The following DIPK1A variants were observed in gnomAD, a reference collection of about 807,000 sequenced individuals.
DIPK1A encodes the protein divergent protein kinase domain 1A.
In DIPK1A, 27 loss-of-function variants were observed where a neutral mutation model predicts 40.8. The ratio of observed to expected loss-of-function variants is 0.66; its 90% confidence interval spans 0.49 to 0.91. The LOEUF (loss-of-function observed/expected upper bound fraction) is 0.91, where lower values mean the gene tolerates loss of function less well. DIPK1A is among the 40% of genes least tolerant of loss of function. DIPK1A has a pLI of 0.00. For synonymous variants in DIPK1A, 166 were observed against 171.3 expected (o/e 0.97, Z 0.24); for missense variants, 412 against 505.7 (o/e 0.81, Z 1.78).
intron 1 of DIPK1A, among the ~76,000 whole-genome samples, chr1:92,950,957 T>C (rs1651613067): frequency 6.6e-6 from 1 of 152,226 alleles, no homozygotes; most frequent in Non-Finnish European, 1.5e-5. Flanking sequence ...TTTTTACTAT[T>C]AGAATTCAAT....
rs61397693 is a variant in DIPK1A, at chr1:92,857,978, A to G, written c.190-7023T>C. Among the ~76,000 whole-genome samples, 49 of 152,300 alleles carry G rather than the reference A, an allele frequency of 3.2e-4. No homozygotes were observed. The East Asian group carries it at 7.9e-3, about 25-fold the overall frequency. Reference sequence around the variant, plus strand: ...AGGTGTCTCTGGTCATTCCCTCCATACAAGCAACTCACAACAGGGCTAGGA... The same window carrying G: ...AGGTGTCTCTGGTCATTCCCTCCATGCAAGCAACTCACAACAGGGCTAGGA... On this transcript the variant is annotated intron_variant, in intron 2 of 4. Transcript: ENST00000370310.
intron 3 of DIPK1A, among the ~76,000 whole-genome samples, chr1:92,849,781 G>A (rs1264215223): frequency 1.3e-5 from 2 of 152,008 alleles, no homozygotes; most frequent in African/African-American, 2.4e-5. Flanking sequence ...CCAAAGTGCT[G>A]GGATTACAGG....
chr1:92,896,863 T>C (rs1303559117), intron 1 of DIPK1A, among the ~76,000 whole-genome samples: 2 of 151,370 alleles, frequency 1.3e-5, no homozygotes, highest in African/African-American at 4.8e-5. Flanking sequence ...CAGACACTTC[T>C]CAAAAGAAGA....
intron 1 of DIPK1A, among the ~76,000 whole-genome samples, chr1:92,934,725 C>T (rs1437973644): frequency 6.6e-6 from 1 of 152,154 alleles, no homozygotes; most frequent in Non-Finnish European, 1.5e-5. Flanking sequence ...AATCAAATAG[C>T]TCAGCATTCC....
At chr1:92,897,264 A>G (rs1388823718) in intron 1 of DIPK1A, among the ~76,000 whole-genome samples, 2 of 152,244 alleles carry the variant, frequency 1.3e-5, no homozygotes, top group African/African-American at 4.8e-5. Context: ...CCAAATGTCC[A>G]TCAGTGATAG....
At chr1:92,873,396 C>A (rs1647970462) in intron 2 of DIPK1A, among the ~76,000 whole-genome samples, 1 of 152,176 alleles carries the variant, frequency 6.6e-6, no homozygotes, top group African/African-American at 2.4e-5. Context: ...AGGTGGATCA[C>A]CTGAGGTCAG....
chr1:92,894,961 T>A (rs574906205), intron 1 of DIPK1A, among the ~76,000 whole-genome samples: 1 of 152,026 alleles, frequency 6.6e-6, no homozygotes, highest in Non-Finnish European at 1.5e-5. Flanking sequence ...CAGAAAGAAG[T>A]TGAATCCCTG....
chr1:92,901,022 G>A (rs1427334420), intron 1 of DIPK1A, among the ~76,000 whole-genome samples: 1 of 152,030 alleles, frequency 6.6e-6, no homozygotes, highest in Non-Finnish European at 1.5e-5. Flanking sequence ...AGAGTACAAT[G>A]ACTCTGTCCA....
At chr1:92,857,612 C>T (rs1249690862) in intron 2 of DIPK1A, among the ~76,000 whole-genome samples, 3 of 152,074 alleles carry the variant, frequency 2.0e-5, no homozygotes, top group Admixed American at 1.3e-4. Flanking sequence ...AGTGAGCCAC[C>T]GTGCCCGGCT....
At chr1:92,953,250 A>AG (rs1021296554) in intron 1 of DIPK1A, among the ~76,000 whole-genome samples, 1 of 85,744 alleles carries the variant, frequency 1.2e-5, no homozygotes, top group African/African-American at 4.0e-5. Context: ...TAAAAAAAAA[A>AG]AAAGAAAAGA....
intron 1 of DIPK1A, among the ~76,000 whole-genome samples, chr1:92,960,279 A>C (rs570401575): frequency 2.6e-4 from 39 of 152,228 alleles, no homozygotes; most frequent in African/African-American, 9.1e-4. Flanking sequence ...TTACACATAC[A>C]ATTTTCAAAC....
chr1:92,884,896 C>T (rs955042987), intron 1 of DIPK1A, among the ~76,000 whole-genome samples: 4 of 152,072 alleles, frequency 2.6e-5, no homozygotes, highest in Non-Finnish European at 4.4e-5. Context: ...CTTGGAGTAT[C>T]CAGGGGCTGA....
chr1:92,953,421 T>A (rs1651720749), intron 1 of DIPK1A, among the ~76,000 whole-genome samples: 1 of 152,066 alleles, frequency 6.6e-6, no homozygotes, highest in Admixed American at 6.6e-5. Flanking sequence ...TACAAAAAAA[T>A]TGAAAGCAAG....
At chr1:92,946,393 A>C (rs893834533) in intron 1 of DIPK1A, among the ~76,000 whole-genome samples, 2 of 152,202 alleles carry the variant, frequency 1.3e-5, no homozygotes, top group Non-Finnish European at 2.9e-5. Flanking sequence ...TGGGAAGTAG[A>C]AGAGAGGAAA....
chr1:92,899,776 C>T (rs1216714881), intron 1 of DIPK1A, among the ~76,000 whole-genome samples: 3 of 152,160 alleles, frequency 2.0e-5, no homozygotes, highest in Admixed American at 6.5e-5. Flanking sequence ...TATCTTTTCA[C>T]TTCCAGAGAT....
intron 1 of DIPK1A, among the ~76,000 whole-genome samples, chr1:92,915,007 G>GAAACCCCATCTCTACTAAAAAT (rs1463587742): frequency 1.0e-4 from 15 of 147,536 alleles, no homozygotes; most frequent in African/African-American, 3.7e-4. Context: ...AGAGTCTCTT[G>GAAACCCCATCTCTACTAAAAAT]AGCCTGGGAG....
intron 1 of DIPK1A, among the ~76,000 whole-genome samples, chr1:92,901,318 CTG>C (rs1354952932): frequency 6.6e-6 from 1 of 151,832 alleles, no homozygotes; most frequent in Middle Eastern, 3.2e-3. Flanking sequence ...TTCAGAGCAG[CTG>C]TGAGGCCAGG....
chr1:92,955,865 AC>A lies in DIPK1A; in HGVS notation c.54+5510del, dbSNP rs1295547595. Among the ~76,000 whole-genome samples, 8 of 152,156 alleles carry A rather than the reference AC, an allele frequency of 5.3e-5. No individual in the cohort carries two copies. In the East Asian group the frequency reaches 1.5e-3, roughly 29 times the overall value. ...AGACCAGCCTGGGCAATGCAGTGGG[AC>A]CACTGTCTCTTAAAAAAATATTTAA... On this transcript the variant is annotated intron_variant, in intron 1 of 4. Transcript: ENST00000370310.
intron 2 of DIPK1A, among the ~76,000 whole-genome samples, chr1:92,875,930 T>C (rs1182838191): frequency 6.6e-6 from 1 of 151,618 alleles, no homozygotes; most frequent in Non-Finnish European, 1.5e-5. Context: ...GAGTAAAAGA[T>C]GTGTTCTAGA....
Sources: gnomAD v4.1 joint callset for allele counts (sites outside exome capture counted in the v4.1 genomes callset) on GRCh38, gnomAD v4.1.1 for gene constraint, MANE v1.5 for transcripts, NCBI Gene and HGNC (gene_info 2026-07-23, HGNC 2026-07-21) for gene names.